PRKG1: variants seen among roughly 807,000 people sequenced by gnomAD.
PRKG1 encodes protein kinase cGMP-dependent 1.
Under a neutral mutation model 88.1 loss-of-function variants are expected in PRKG1, and 35 were observed. The ratio of observed to expected loss-of-function variants is 0.40; its 90% CI spans 0.30 to 0.53. PRKG1 has a LOEUF of 0.53. PRKG1 is among the 20% of genes least tolerant of loss of function. The probability of loss-of-function intolerance (pLI) is 0.59; values close to 1 mark genes in which losing one functional copy is unlikely to be tolerated. For synonymous variants in PRKG1, 303 were observed against 292.5 expected (o/e 1.04, Z -0.37); for missense variants, 540 against 839.8 (o/e 0.64, Z 4.41).
At chr10:51,618,594 T>C (rs954498724) in intron 3 of PRKG1, among the ~76,000 whole-genome samples, 1 of 152,196 alleles carries the variant, frequency 6.6e-6, no homozygotes, top group Non-Finnish European at 1.5e-5. Context: ...ACTATTATAG[T>C]CCCTACTTCA....
intron 8 of PRKG1, among the ~76,000 whole-genome samples, chr10:52,141,439 C>G (rs558616699): frequency 2.6e-5 from 4 of 152,092 alleles, no homozygotes; most frequent in Admixed American, 6.6e-5. Flanking sequence ...CAATGATATA[C>G]AGCATGACTG....
intron 7 of PRKG1, among the ~76,000 whole-genome samples, chr10:52,100,728 T>C (rs4935029): frequency 0.14 from 21,463 of 152,192 alleles, 2,142 homozygotes; most frequent in East Asian, 0.31. Flanking sequence ...AATTGCTTTG[T>C]TGGTTTCATA....
At chr10:51,863,722 C>T (rs1038757978) in intron 4 of PRKG1, among the ~76,000 whole-genome samples, 6 of 152,132 alleles carry the variant, frequency 3.9e-5, no homozygotes, top group African/African-American at 9.7e-5. Flanking sequence ...GCCCCTCAAC[C>T]TTGTAATTCT....
intron 5 of PRKG1, among the ~76,000 whole-genome samples, chr10:52,008,555 A>T: frequency 6.6e-6 from 1 of 151,990 alleles, no homozygotes; most frequent in Non-Finnish European, 1.5e-5. Flanking sequence ...GACACATACA[A>T]TCTCCCAAAA....
At chr10:51,847,177 C>G (rs1470478079) in intron 4 of PRKG1, among the ~76,000 whole-genome samples, 1 of 152,124 alleles carries the variant, frequency 6.6e-6, no homozygotes. Flanking sequence ...ACTCCTAACT[C>G]TAACATTTTG....
chr10:51,411,782 TG>T (rs1242365015), intron 2 of PRKG1, among the ~76,000 whole-genome samples: 1 of 152,164 alleles, frequency 6.6e-6, no homozygotes, highest in Non-Finnish European at 1.5e-5. Context: ...GAATATTTTA[TG>T]ACTATATTTA....
At chr10:52,079,654 A>G (rs1359041979) in intron 7 of PRKG1, among the ~76,000 whole-genome samples, 1 of 151,968 alleles carries the variant, frequency 6.6e-6, no homozygotes, top group Non-Finnish European at 1.5e-5. Flanking sequence ...TTCTTATCCT[A>G]CCCCAGTTGG....
chr10:52,052,232 A>G (rs946469594), intron 5 of PRKG1, among the ~76,000 whole-genome samples: 3 of 151,920 alleles, frequency 2.0e-5, no homozygotes, highest in Non-Finnish European at 4.4e-5. Context: ...TACCCTATTC[A>G]TCTTTGTGTT....
chr10:52,079,110 G>A (rs1846704397), intron 7 of PRKG1, among the ~76,000 whole-genome samples: 1 of 152,166 alleles, frequency 6.6e-6, no homozygotes, highest in Non-Finnish European at 1.5e-5. Flanking sequence ...TGAACATTAA[G>A]GACAACCTCT....
chr10:51,959,749 T>G (rs1027235876), intron 5 of PRKG1, among the ~76,000 whole-genome samples: 1 of 152,108 alleles, frequency 6.6e-6, no homozygotes, highest in Non-Finnish European at 1.5e-5. Context: ...GATTGAAGTA[T>G]AGCAGATGAT....
intron 1 of PRKG1, among the ~76,000 whole-genome samples, chr10:51,139,134 C>G (rs987319518): frequency 9.9e-5 from 15 of 152,102 alleles, no homozygotes; most frequent in Non-Finnish European, 1.9e-4. Flanking sequence ...TTCTAGCTTT[C>G]TTTCTGGGTA....
intron 9 of PRKG1, among the ~76,000 whole-genome samples, chr10:52,251,042 C>A (rs890104433): frequency 6.6e-6 from 1 of 152,058 alleles, no homozygotes; most frequent in Non-Finnish European, 1.5e-5. Context: ...CTCAGCTTCT[C>A]GGATCTGTTT....
At chr10:51,889,920 G>C (rs1017101924) in intron 4 of PRKG1, among the ~76,000 whole-genome samples, 9 of 152,054 alleles carry the variant, frequency 5.9e-5, no homozygotes, top group African/African-American at 2.2e-4. Flanking sequence ...TTTTTTTCTT[G>C]TAAGTTTGTT....
rs74132822 is a variant in PRKG1, at chr10:51,938,470, G to A, written c.762+30900G>A. Among the ~76,000 whole-genome samples the A allele has an allele frequency of 7.3e-3, 1,116 of 151,932 alleles. 7 individuals are homozygous for A. Among genetic ancestry groups the A allele is most frequent in the Non-Finnish European group, 9.5e-3 (646 of 67,910 alleles). ...AATCTGAACCTAAATGTGGTTTAGAGCAAGGTGGAAAGACATTTGAATTTT... is the reference window on the plus strand; with the variant it reads ...AATCTGAACCTAAATGTGGTTTAGAACAAGGTGGAAAGACATTTGAATTTT... On this transcript the variant is annotated intron_variant, in intron 5 of 17. Coordinates refer to ENST00000373980, the MANE Select transcript of PRKG1 (RefSeq NM_006258.4).
intron 3 of PRKG1, among the ~76,000 whole-genome samples, chr10:51,799,504 A>G (rs1222389754): frequency 6.6e-6 from 1 of 151,866 alleles, no homozygotes; most frequent in Non-Finnish European, 1.5e-5. Context: ...CCTCAAAAAT[A>G]TCTAGCAATC....
intron 2 of PRKG1, among the ~76,000 whole-genome samples, chr10:51,194,753 G>C (rs527475349): frequency 6.6e-6 from 1 of 152,088 alleles, no homozygotes. Flanking sequence ...GGTTCTAGAG[G>C]CTGAGAAGTC....
chr10:51,878,648 T>C (rs907781565), intron 4 of PRKG1, among the ~76,000 whole-genome samples: 7 of 152,154 alleles, frequency 4.6e-5, no homozygotes, highest in Admixed American at 3.9e-4. Flanking sequence ...CTACTCACCA[T>C]CTAATTTTGT....
chr10:52,230,246 C>T (rs1451805060), intron 9 of PRKG1, among the ~76,000 whole-genome samples: 1 of 152,118 alleles, frequency 6.6e-6, no homozygotes, highest in Non-Finnish European at 1.5e-5. Context: ...AACTCTCATA[C>T]CTAGATCCCA....
At chr10:51,233,611 A>G (rs1838905383) in intron 2 of PRKG1, among the ~76,000 whole-genome samples, 1 of 152,196 alleles carries the variant, frequency 6.6e-6, no homozygotes, top group African/African-American at 2.4e-5. Flanking sequence ...CAAATAAGCA[A>G]TGCCACTTTA....
Sources: gnomAD v4.1 joint callset for allele counts (sites outside exome capture counted in the v4.1 genomes callset) on GRCh38, gnomAD v4.1.1 for gene constraint, MANE v1.5 for transcripts, NCBI Gene and HGNC (gene_info 2026-07-23, HGNC 2026-07-21) for gene names.